MBTPS2: variants seen among roughly 807,000 people sequenced by gnomAD.
MBTPS2 encodes the protein membrane bound transcription factor peptidase, site 2.
MBTPS2 carries 2 observed loss-of-function variants against 35.4 expected under a neutral mutation model. The observed-to-expected ratio is 0.06, with a 90% confidence interval of 0.02 to 0.18. The LOEUF is 0.18. Among genes scored for constraint, MBTPS2 ranks in the 10% least tolerant of loss-of-function variants. MBTPS2 has a pLI of 1.00. For missense variants in MBTPS2, 244 were observed against 386.5 expected (o/e 0.63, Z 3.09); for synonymous variants, 125 against 140.4 (o/e 0.89, Z 0.77).
At chrX:21,846,156 G>A (rs1304152243) in intron 3 of MBTPS2, among the ~76,000 whole-genome samples, 1 of 110,813 alleles carries the variant, frequency 9.0e-6, no homozygotes, top group Admixed American at 9.6e-5. Flanking sequence ...CTCTCCTATG[G>A]CCATAGCTCT....
Position 21,851,531 on chromosome X carries a change from T to C in MBTPS2, c.461T>C (p.Val154Ala). Reference sequence around the variant, plus strand: ...CAGGTTCCTGGTATAAATTTACCCGTCAATCAACTGACCTATTTCTTCACG... The same window carrying C: ...CAGGTTCCTGGTATAAATTTACCCGCCAATCAACTGACCTATTTCTTCACG... Reference protein sequence around the residue: ...QVVVPGINLPVNQLTYFFTAV... With the variant: ...QVVVPGINLPANQLTYFFTAV... Residue 154 changes from valine (V) to alanine (A), a missense_variant, in exon 4 of 11, where the codon GTC (valine) becomes GCC (alanine). Val to Ala is a moderately conservative substitution (Grantham distance 64, BLOSUM62 0). Transcript: ENST00000379484. The C allele has an allele frequency of 8.3e-7, 1 of 1,206,202 alleles. No individual in the cohort carries two copies. Among genetic ancestry groups the C allele is most frequent in the Non-Finnish European group, 1.1e-6 (1 of 890,613 alleles).
intron 1 of MBTPS2, among the ~76,000 whole-genome samples, chrX:21,842,158 T>C (rs1278979298): frequency 8.9e-6 from 1 of 112,004 alleles, no homozygotes; most frequent in South Asian, 3.7e-4. Flanking sequence ...CTGTACTTAC[T>C]GTGTCAGGTA....
chrX:21,849,859 A>T (rs1955350467), intron 3 of MBTPS2, among the ~76,000 whole-genome samples: 1 of 20,589 alleles, frequency 4.9e-5, no homozygotes, highest in African/African-American at 1.3e-3. Context: ...CTAAAAATAC[A>T]AAAAAAAAAA....
chrX:21,840,823 C>A (rs982200126), intron 1 of MBTPS2, among the ~76,000 whole-genome samples: 38 of 112,052 alleles, frequency 3.4e-4, no homozygotes, highest in African/African-American at 1.0e-3. Flanking sequence ...ATAGCGTAGT[C>A]CTTAGATCCA....
In MBTPS2 at chrX:21,885,309, A is replaced by G. The variant is rs1002727634; in HGVS notation, c.*2654A>G. ...ATGGTGCACAGGTGTTTTTTTCTAT[A>G]AATCTTCTGACTGTCCTGTAATTCA... On this transcript the variant is annotated 3_prime_UTR_variant, in exon 11 of 11. Transcript: ENST00000379484. 5 of 749,940 alleles carry G rather than the reference A, an allele frequency of 6.7e-6. No homozygotes were observed. The African/African-American group carries it at 9.3e-5, about 14-fold the overall frequency. The allele number at this position is 749,940 out of a possible 1,213,427, so 61.8% of individuals were successfully genotyped here. A position where few individuals can be genotyped will look rare whatever the true frequency, so the allele number is the denominator to read the frequency against.
At position 21,843,463 on chromosome X, in the gene MBTPS2, C is replaced by A. The variant is rs192983286; in HGVS notation, c.224+145C>A. 5.0e-4 allele frequency: 303 copies of A among 600,499 alleles called. No individual in the cohort carries two copies. The African/African-American group carries it at 6.7e-3, about 13-fold the overall frequency. 49.5% of individuals were successfully genotyped at this position (600,499 alleles called of 1,213,427 possible). A position where few individuals can be genotyped will look rare whatever the true frequency, so the allele number is the denominator to read the frequency against. ...ATTAAAACTTTCTGGTTTTATATAA[C>A]CTTATGGGATTGTATCATTGTGGCT... On this transcript the variant is annotated intron_variant, in intron 2 of 10. Transcript: ENST00000379484.
chrX:21,857,381 A>G (rs757940568), intron 5 of MBTPS2: 1 of 1,212,319 alleles, frequency 8.2e-7, no homozygotes, highest in South Asian at 1.8e-5. Context: ...CAAAGCTGAG[A>G]CGACACCAGC....
At chrX:21,858,318 C>A (rs1371646662) in intron 5 of MBTPS2, 2 of 123,066 alleles carry the variant, frequency 1.6e-5, no homozygotes, top group African/African-American at 3.2e-5. Context: ...AGTGTAATTT[C>A]TTTGCCTGTT....
intron 3 of MBTPS2, among the ~76,000 whole-genome samples, chrX:21,851,192 G>T (rs2092914288): frequency 9.0e-6 from 1 of 111,487 alleles, no homozygotes; most frequent in Admixed American, 9.6e-5. Context: ...TTGGCACTTT[G>T]CTGGGCTCCC....
At chrX:21,853,872 A>G (rs1431701343) in intron 5 of MBTPS2, among the ~76,000 whole-genome samples, 3 of 111,499 alleles carry the variant, frequency 2.7e-5, no homozygotes, top group Non-Finnish European at 5.7e-5. Context: ...CAGGAATGGA[A>G]AAAAAGGGTT....
Position 21,882,461 on chromosome X carries a change from G to A in MBTPS2, c.1366G>A (p.Ala456Thr), listed in dbSNP as rs1296560652. ...CCTGATTTCCCTCTCAGGAGCTCTG[G>A]CTATTGTTAATGCAGTACCCTGCTT... is the stretch of plus-strand genomic sequence containing the variant. ...KYLISLSGAL[A>T]IVNAVPCFAL... Residue 456 changes from alanine (A) to threonine (T), a missense_variant, in exon 11 of 11, where the codon GCT becomes ACT. Ala to Thr is a moderately conservative substitution (Grantham distance 58, BLOSUM62 0). Coordinates refer to ENST00000379484, the MANE Select transcript of MBTPS2 (RefSeq NM_015884.4). The A allele has an allele frequency of 8.3e-7, 1 of 1,211,360 alleles. No homozygotes were observed.
rs2092962538 is a variant in MBTPS2 at position 21,884,454 on chromosome X, A to G, written c.*1799A>G. The G allele has an allele frequency of 8.1e-6, 6 of 736,725 alleles. No homozygotes were observed. Among genetic ancestry groups the G allele is most frequent in the Non-Finnish European group, 9.6e-6 (6 of 623,128 alleles). The allele number at this position is 736,725 out of a possible 1,213,427, so 60.7% of individuals were successfully genotyped here. A position where few individuals can be genotyped will look rare whatever the true frequency, so the allele number is the denominator to read the frequency against. ...TCACTTTTTTAAAAACCAAGAAAAAACTTTAATAGAGGAAATCTTATTCAT... is the reference window on the plus strand; with the variant it reads ...TCACTTTTTTAAAAACCAAGAAAAAGCTTTAATAGAGGAAATCTTATTCAT... On this transcript the variant is annotated 3_prime_UTR_variant, in exon 11 of 11. Coordinates refer to ENST00000379484, the MANE Select transcript of MBTPS2 (RefSeq NM_015884.4).
At chrX:21,846,461 C>T (rs1325545261) in intron 3 of MBTPS2, among the ~76,000 whole-genome samples, 1 of 112,106 alleles carries the variant, frequency 8.9e-6, no homozygotes, top group African/African-American at 3.2e-5. Flanking sequence ...ACCTCCGCCT[C>T]GCGGGTTCGA....
At chrX:21,846,422 G>C (rs1033149754) in intron 3 of MBTPS2, among the ~76,000 whole-genome samples, 2 of 111,981 alleles carry the variant, frequency 1.8e-5, no homozygotes, top group Non-Finnish European at 3.8e-5. Context: ...CCAGGCTGGA[G>C]TGCAATGGCG....
Position 21,878,741 on chromosome X carries a change from A to T in MBTPS2, c.1261+49A>T, listed in dbSNP as rs781374061. On this transcript the variant is annotated intron_variant, in intron 9 of 10. Transcript: ENST00000379484. ...TTAGAAAATCATTAAGATCACATAT[A>T]GTCTCAGTGGTAGAGACTCACTACA... 6 of 850,528 alleles carry T rather than the reference A, an allele frequency of 7.1e-6. No homozygotes were observed. In the East Asian group the frequency reaches 1.9e-4, roughly 26 times the overall value. The allele number at this position is 850,528 out of a possible 1,213,427, so 70.1% of individuals were successfully genotyped here.
At chrX:21,863,532 T>A (rs2092935800) in intron 5 of MBTPS2, among the ~76,000 whole-genome samples, 1 of 111,141 alleles carries the variant, frequency 9.0e-6, no homozygotes, top group South Asian at 3.8e-4. Context: ...TTGTTTGGAA[T>A]TTTTATAGTC....
chrX:21,850,671 C>G (rs928222821), intron 3 of MBTPS2, among the ~76,000 whole-genome samples: 6 of 110,939 alleles, frequency 5.4e-5, no homozygotes, highest in Non-Finnish European at 1.1e-4. Flanking sequence ...GATTACTTAT[C>G]TTACGAGAAT....
chrX:21,841,752 C>T (rs910769837), intron 1 of MBTPS2: 2 of 112,347 alleles, frequency 1.8e-5, no homozygotes, highest in Non-Finnish European at 3.8e-5. Context: ...TCAGTAACAA[C>T]CCCTAGCTCC....
intron 5 of MBTPS2, among the ~76,000 whole-genome samples, chrX:21,862,933 CATATAT>C (rs542223686): frequency 0.12 from 3,402 of 27,660 alleles, 242 homozygotes; most frequent in Non-Finnish European, 0.15. Context: ...TATATATAAA[CATATAT>C]ATATATATAT....
Sources: gnomAD v4.1 joint callset for allele counts (sites outside exome capture counted in the v4.1 genomes callset) on GRCh38, gnomAD v4.1.1 for gene constraint, MANE v1.5 for transcripts, NCBI Gene and HGNC (gene_info 2026-07-23, HGNC 2026-07-21) for gene names.